Variants in CERS6 observed in about 807,000 individuals in gnomAD.
CERS6 encodes LAG1 homolog, ceramide synthase 6.
A neutral mutation model predicts 56.8 loss-of-function variants in CERS6; 26 were observed. The ratio of observed to expected loss-of-function variants is 0.46; its 90% CI spans 0.34 to 0.63. CERS6 has a LOEUF of 0.63. Among genes scored for constraint, CERS6 ranks in the 30% least tolerant of loss-of-function variants. CERS6 has a pLI of 0.01. For synonymous variants in CERS6, 164 were observed against 173.3 expected, an observed-to-expected ratio of 0.95 and a Z score of 0.42; for missense variants, 415 against 467.5, an observed-to-expected ratio of 0.89 and a Z score of 1.04.
At chr2:168,692,420 T>A (rs1317116720) in intron 5 of CERS6, among the ~76,000 whole-genome samples, 1 of 152,208 alleles carries the variant, frequency 6.6e-6, no homozygotes, top group African/African-American at 2.4e-5. Flanking sequence ...TAGTCCAGAA[T>A]AACTTTCATG....
intron 6 of CERS6, among the ~76,000 whole-genome samples, chr2:168,712,304 T>C (rs755136113): frequency 6.6e-6 from 1 of 152,218 alleles, no homozygotes; most frequent in Non-Finnish European, 1.5e-5. Flanking sequence ...ACCTTAGCAC[T>C]GTCACCCACA....
intron 3 of CERS6, among the ~76,000 whole-genome samples, chr2:168,563,571 G>A (rs1026283265): frequency 2.0e-4 from 30 of 152,298 alleles, no homozygotes; most frequent in African/African-American, 7.2e-4. Flanking sequence ...GCCGAGGCGG[G>A]CGGATCATGA....
intron 2 of CERS6, among the ~76,000 whole-genome samples, chr2:168,555,626 G>A (rs1695661496): frequency 6.6e-6 from 1 of 151,662 alleles, no homozygotes; most frequent in Non-Finnish European, 1.5e-5. Flanking sequence ...TAAACGTTAT[G>A]ATCAATAACC....
chr2:168,491,997 A>G (rs1047499824), intron 1 of CERS6, among the ~76,000 whole-genome samples: 6 of 151,924 alleles, frequency 3.9e-5, no homozygotes, highest in Admixed American at 3.3e-4. Flanking sequence ...TATGTGCCAC[A>G]TTTTCTTTAT....
At chr2:168,479,374 A>G (rs1694135819) in intron 1 of CERS6, among the ~76,000 whole-genome samples, 1 of 152,176 alleles carries the variant, frequency 6.6e-6, no homozygotes, top group African/African-American at 2.4e-5. Flanking sequence ...GTAGATATGC[A>G]TGTGTGTGTG....
chr2:168,538,624 C>G (rs1334750894), intron 1 of CERS6, among the ~76,000 whole-genome samples: 1 of 152,138 alleles, frequency 6.6e-6, no homozygotes, highest in Non-Finnish European at 1.5e-5. Flanking sequence ...GCATACACTG[C>G]TTGGTTTATT....
Position 168,459,197 on chromosome 2 carries a change from C to T in CERS6, c.170+2579C>T, listed in dbSNP as rs552772083. On this transcript the variant is annotated intron_variant, in intron 1 of 9. Coordinates refer to ENST00000305747, the MANE Select transcript of CERS6 (RefSeq NM_203463.3). ...GCTGAGACCATACCTAAGAAATACC[C>T]GATTATCCAAGTCTTTATTTTACAT... 9.9e-5 allele frequency among the ~76,000 whole-genome samples: 15 copies of T among 152,284 alleles called. No individual in the cohort carries two copies. In the East Asian group the frequency reaches 2.1e-3, roughly 22 times the overall value.
Position 168,676,383 on chromosome 2 carries a change from T to C in CERS6, c.466-14651T>C, listed in dbSNP as rs191778696. 3.5e-3 allele frequency among the ~76,000 whole-genome samples: 539 copies of C among 152,316 alleles called. 8 individuals carry two copies. In the Middle Eastern group the frequency reaches 0.068, roughly 19 times the overall value. ...TTACTGGTCCACTGATGTACGGAGA[T>C]CTTGCAAGTGTTTACACATGTCATT... On this transcript the variant is annotated intron_variant, in intron 4 of 9. Coordinates refer to ENST00000305747, the MANE Select transcript of CERS6 (RefSeq NM_203463.3).
intron 4 of CERS6, among the ~76,000 whole-genome samples, chr2:168,657,388 C>A (rs535703109): frequency 6.6e-6 from 1 of 152,240 alleles, no homozygotes; most frequent in African/African-American, 2.4e-5. Context: ...TAGTGGATCC[C>A]GCACCGGGGC....
chr2:168,653,421 T>A (rs1484093277), intron 4 of CERS6, among the ~76,000 whole-genome samples: 7 of 152,234 alleles, frequency 4.6e-5, no homozygotes, highest in African/African-American at 1.4e-4. Flanking sequence ...CATTCAGGCA[T>A]ACCTAGAATT....
chr2:168,583,577 T>C (rs539786201), intron 3 of CERS6, among the ~76,000 whole-genome samples: 11 of 152,340 alleles, frequency 7.2e-5, no homozygotes, highest in African/African-American at 2.6e-4. Context: ...ACCAAACCAG[T>C]CATTAGGCTT....
At chr2:168,747,434 T>G (rs372282147) in intron 8 of CERS6, among the ~76,000 whole-genome samples, 14 of 152,316 alleles carry the variant, frequency 9.2e-5, no homozygotes, top group Admixed American at 4.6e-4. Flanking sequence ...TTAAAACCAT[T>G]AGAAATAGTA....
chr2:168,608,990 G>A (rs561237300), intron 3 of CERS6, among the ~76,000 whole-genome samples: 1 of 152,328 alleles, frequency 6.6e-6, no homozygotes, highest in Admixed American at 6.5e-5. Context: ...CACCTCTTTA[G>A]ATAGTTTGAA....
chr2:168,674,498 T>G (rs1686004069), intron 4 of CERS6, among the ~76,000 whole-genome samples: 1 of 152,232 alleles, frequency 6.6e-6, no homozygotes, highest in African/African-American at 2.4e-5. Context: ...GGGTGTACAT[T>G]AATTGGGTAT....
At chr2:168,469,579 G>T (rs1558961232) in intron 1 of CERS6, among the ~76,000 whole-genome samples, 1 of 152,168 alleles carries the variant, frequency 6.6e-6, no homozygotes, top group Non-Finnish European at 1.5e-5. Context: ...CAACAGTGGT[G>T]TCCTGAAGTG....
At chr2:168,658,246 G>A (rs545347741) in intron 4 of CERS6, among the ~76,000 whole-genome samples, 2 of 152,246 alleles carry the variant, frequency 1.3e-5, no homozygotes, top group East Asian at 1.9e-4. Context: ...TGTAAACATA[G>A]TATCAGTAAC....
chr2:168,694,809 C>T (rs73026592), intron 5 of CERS6, 150 bp from the exon 6 acceptor site: 30,837 of 607,930 alleles, frequency 0.051, 1,142 homozygotes, highest in African/African-American at 0.15. Flanking sequence ...ATCCTCAAAG[C>T]CCCATCATCT....
intron 8 of CERS6, among the ~76,000 whole-genome samples, chr2:168,726,465 T>A (rs1683358165): frequency 6.6e-6 from 1 of 152,216 alleles, no homozygotes; most frequent in Admixed American, 6.5e-5. Context: ...GCAAACGTTA[T>A]CATCTATCAG....
At chr2:168,727,405 C>T (rs1683381829) in intron 8 of CERS6, among the ~76,000 whole-genome samples, 1 of 151,910 alleles carries the variant, frequency 6.6e-6, no homozygotes, top group African/African-American at 2.4e-5. Context: ...ATAAATTAGC[C>T]GGGTGTGGTG....
Sources: allele counts gnomAD v4.1 joint callset (sites outside exome capture counted in the v4.1 genomes callset), GRCh38; gene constraint gnomAD v4.1.1; transcripts MANE v1.5; gene names NCBI Gene and HGNC (gene_info 2026-07-23, HGNC 2026-07-21).